HHAT: variants seen among roughly 807,000 people sequenced by gnomAD.
The protein encoded by HHAT is hedgehog acyltransferase.
In HHAT, 47 loss-of-function variants were observed where a neutral mutation model predicts 70.8. That is an observed-to-expected ratio of 0.66 (90% confidence interval 0.53 to 0.85). The LOEUF is 0.85. Among genes scored for constraint, HHAT ranks in the 40% least tolerant of loss-of-function variants. HHAT has a pLI of 0.00. For synonymous variants in HHAT, 228 were observed against 247.6 expected (o/e 0.92, Z 0.74); for missense variants, 609 against 604.8 (o/e 1.01, Z -0.07).
intron 4 of HHAT, among the ~76,000 whole-genome samples, chr1:210,389,956 C>T (rs1396524208): frequency 6.6e-6 from 1 of 152,026 alleles, no homozygotes; most frequent in Non-Finnish European, 1.5e-5. Flanking sequence ...AAAATAGGAT[C>T]AATAAGATAG....
At chr1:210,544,851 A>ACT (rs1231509913) in intron 9 of HHAT, among the ~76,000 whole-genome samples, 1 of 152,160 alleles carries the variant, frequency 6.6e-6, no homozygotes, top group Non-Finnish European at 1.5e-5. Flanking sequence ...TTCTTCCATT[A>ACT]CATGCACCAG....
chr1:210,649,095 A>G (rs1174378998), intron 11 of HHAT, among the ~76,000 whole-genome samples: 1 of 152,224 alleles, frequency 6.6e-6, no homozygotes, highest in African/African-American at 2.4e-5. Flanking sequence ...TGGCCTCGGC[A>G]AATACTTAAA....
chr1:210,339,892 A>C (rs1207747453), intron 1 of HHAT, among the ~76,000 whole-genome samples: 1 of 152,180 alleles, frequency 6.6e-6, no homozygotes. Flanking sequence ...GTGGGTATAT[A>C]TTTTAAACTA....
chr1:210,674,260 C>A, intron 11 of HHAT, 28 bp from the exon 12 acceptor site: 1 of 1,576,574 alleles, frequency 6.3e-7, no homozygotes, highest in Non-Finnish European at 8.7e-7. Flanking sequence ...TTTCTAACTG[C>A]TCTTCCATCT....
chr1:210,415,346 G>C (rs976302670), intron 6 of HHAT, among the ~76,000 whole-genome samples: 2 of 152,216 alleles, frequency 1.3e-5, no homozygotes, highest in Admixed American at 6.5e-5. Flanking sequence ...GTCTCTCAGA[G>C]CATGCATGCT....
chr1:210,386,355 C>T (rs2091072120), intron 3 of HHAT, among the ~76,000 whole-genome samples: 2 of 147,064 alleles, frequency 1.4e-5, no homozygotes, highest in South Asian at 4.4e-4. Flanking sequence ...TCTCCTGCCT[C>T]AGCCTCCCAA....
At chr1:210,429,082 GT>G (rs1376936701) in intron 7 of HHAT, among the ~76,000 whole-genome samples, 3 of 151,790 alleles carry the variant, frequency 2.0e-5, no homozygotes, top group Middle Eastern at 3.2e-3. Flanking sequence ...CACCTATGAA[GT>G]CATAAGATGA....
chr1:210,496,830 G>C (rs2094653184), intron 8 of HHAT, among the ~76,000 whole-genome samples: 1 of 152,170 alleles, frequency 6.6e-6, no homozygotes, highest in Admixed American at 6.5e-5. Flanking sequence ...ATGGGGGACT[G>C]TTTGTCCTTA....
At chr1:210,658,065 A>G (rs1337141544) in intron 11 of HHAT, among the ~76,000 whole-genome samples, 2 of 152,156 alleles carry the variant, frequency 1.3e-5, no homozygotes, top group Non-Finnish European at 2.9e-5. Flanking sequence ...TTGTTTATTC[A>G]TTGACCATTT....
At chr1:210,600,636 G>A (rs1472035981) in intron 10 of HHAT, among the ~76,000 whole-genome samples, 1 of 152,142 alleles carries the variant, frequency 6.6e-6, no homozygotes, top group Non-Finnish European at 1.5e-5. Flanking sequence ...AAGCACCCAA[G>A]CTGGGTGGAC....
At chr1:210,466,326 T>A (rs1284485776) in intron 8 of HHAT, among the ~76,000 whole-genome samples, 1 of 152,252 alleles carries the variant, frequency 6.6e-6, no homozygotes, top group Non-Finnish European at 1.5e-5. Flanking sequence ...TATCACACGT[T>A]GCCCTGTTTT....
chr1:210,387,854 A>C (rs560050270), intron 4 of HHAT, among the ~76,000 whole-genome samples: 47 of 152,232 alleles, frequency 3.1e-4, no homozygotes, highest in Non-Finnish European at 3.7e-4. Flanking sequence ...GATCACTTCT[A>C]ATCAAATGAT....
intron 9 of HHAT, among the ~76,000 whole-genome samples, chr1:210,556,337 C>T (rs1453230652): frequency 6.6e-6 from 1 of 152,188 alleles, no homozygotes; most frequent in Non-Finnish European, 1.5e-5. Flanking sequence ...GGTCAGTTCT[C>T]CCAGGGCAAG....
chr1:210,448,931 C>G (rs2093690267), intron 7 of HHAT, among the ~76,000 whole-genome samples: 2 of 152,140 alleles, frequency 1.3e-5, no homozygotes, highest in Admixed American at 1.3e-4. Context: ...TCCCTCACCT[C>G]ATGCATACAT....
chr1:210,422,313 G>A (rs1217232763), intron 7 of HHAT, among the ~76,000 whole-genome samples: 2 of 152,132 alleles, frequency 1.3e-5, no homozygotes, highest in African/African-American at 2.4e-5. Context: ...TTGAAACTAT[G>A]TAATATATTA....
rs1305915605 is a variant in HHAT, at chr1:210,464,624, A to C, written c.976A>C (p.Ser326Arg). The change falls in exon 8 of 12, where the codon AGC becomes CGC. Residue 326 changes from serine to arginine, a missense_variant. Ser to Arg is a moderately radical substitution (Grantham distance 110). Transcript: ENST00000261458. ...TCCACCCGCCCTCCCCCGCTGCGTG[A>C]GCACCATGTTCAGTTTCACCGGGAT... ...LTPPALPRCV[S>R]TMFSFTGMWR... 10 of 1,614,020 alleles carry C rather than the reference A, an allele frequency of 6.2e-6. No individual in the cohort carries two copies. Among genetic ancestry groups the C allele is most frequent in the African/African-American group, 1.3e-5 (1 of 74,916 alleles).
rs1184671458 is a variant in HHAT at position 210,532,159 on chromosome 1, ACTGAGT to A, written c.1043+18974_1043+18979del. 2.0e-5 allele frequency among the ~76,000 whole-genome samples: 3 copies of A among 152,372 alleles called. No individual in the cohort carries two copies. In the East Asian group the frequency reaches 5.8e-4, roughly 29 times the overall value. ...GACATTTATATGTGTTTATTAATAT[ACTGAGT>A]CTATTACAGTGAAATCCATTTTGGA... is the stretch of plus-strand genomic sequence containing the variant. On this transcript the variant is annotated intron_variant, in intron 9 of 11. Transcript: ENST00000261458.
chr1:210,602,616 G>GC (rs140392570), intron 10 of HHAT, among the ~76,000 whole-genome samples: 1,649 of 152,262 alleles, frequency 0.011, 29 homozygotes, highest in African/African-American at 0.037. Flanking sequence ...AGAAATTTAG[G>GC]AACAGAAACC....
At chr1:210,438,410 CTCTT>C (rs1481635461) in intron 7 of HHAT, among the ~76,000 whole-genome samples, 1 of 151,786 alleles carries the variant, frequency 6.6e-6, no homozygotes, top group Non-Finnish European at 1.5e-5. Flanking sequence ...AAAGCTGTGC[CTCTT>C]TCTTATGGAT....
Sources: gnomAD v4.1 joint callset for allele counts (sites outside exome capture counted in the v4.1 genomes callset) on GRCh38, gnomAD v4.1.1 for gene constraint, MANE v1.5 for transcripts, NCBI Gene and HGNC (gene_info 2026-07-23, HGNC 2026-07-21) for gene names.